Variants in RBM6 observed in about 807,000 individuals in gnomAD.
RBM6 encodes RNA-binding protein 6.
In RBM6, 23 loss-of-function variants were observed where a neutral mutation model predicts 140.4. The ratio of observed to expected loss-of-function variants is 0.16; its 90% CI spans 0.12 to 0.23. The LOEUF (loss-of-function observed/expected upper bound fraction) is 0.23. Among genes scored for constraint, RBM6 ranks in the 10% least tolerant of loss-of-function variants. The pLI is 1.00. For synonymous variants in RBM6, 439 were observed against 475.6 expected, an observed-to-expected ratio of 0.92 and a Z score of 1.00; for missense variants, 1,139 against 1,386.7, an observed-to-expected ratio of 0.82 and a Z score of 2.84.
intron 5 of RBM6, among the ~76,000 whole-genome samples, chr3:49,991,786 A>G (rs1176795673): frequency 5.9e-5 from 9 of 152,046 alleles, no homozygotes; most frequent in Non-Finnish European, 1.2e-4. Flanking sequence ...GTCTCACCTA[A>G]TGTCAGTTGT....
chr3:50,075,161 A>G (rs2090421344), intron 19 of RBM6, 40 bp from the exon 20 acceptor site: 10 of 1,582,044 alleles, frequency 6.3e-6, no homozygotes, highest in Non-Finnish European at 8.6e-6. Flanking sequence ...CGTCTCAAAA[A>G]AAAAAAAAAA....
intron 6 of RBM6, among the ~76,000 whole-genome samples, chr3:50,016,388 G>C (rs756044301): frequency 2.2e-4 from 33 of 152,080 alleles, no homozygotes; most frequent in Non-Finnish European, 3.8e-4. Flanking sequence ...ATTGTGAATA[G>C]TACTGCAGTG....
rs772514890 is a variant in RBM6, at chr3:50,070,507, A to G, written c.3071A>G (p.Asp1024Gly). 6.2e-7 allele frequency: 1 copy of G among 1,614,040 alleles called. No homozygotes were observed. Among genetic ancestry groups the G allele is most frequent in the Non-Finnish European group, 8.5e-7 (1 of 1,179,958 alleles). ...NDRREKLQSFDSPERKRIKYS... is the reference protein window; with the variant it reads ...NDRREKLQSFGSPERKRIKYS... The stretch of plus-strand genomic sequence containing the variant: ...CGCAGGGAAAAGCTCCAGTCTTTTG[A>G]CTCTCCAGAAAGGAAACGGATTAAG... Residue 1024 changes from aspartate (D) to glycine (G), a missense_variant, in exon 19 of 21, where the codon GAC (aspartate) becomes GGC (glycine). Asp to Gly is a moderately conservative substitution (Grantham distance 94). Transcript: ENST00000266022.
At chr3:50,038,841 G>C (rs1019694658) in intron 6 of RBM6, among the ~76,000 whole-genome samples, 2 of 152,018 alleles carry the variant, frequency 1.3e-5, no homozygotes, top group African/African-American at 4.8e-5. Flanking sequence ...CCCAAAAAAA[G>C]AAGAAAAAGA....
chr3:49,954,193 A>C (rs186181001), intron 1 of RBM6, among the ~76,000 whole-genome samples: 8 of 152,022 alleles, frequency 5.3e-5, no homozygotes, highest in Non-Finnish European at 1.2e-4. Context: ...TAATCCCAGC[A>C]CTTTGGGAGG....
At chr3:50,064,295 TGTGTGTTTAAAAA>T (rs781653365) in intron 15 of RBM6, among the ~76,000 whole-genome samples, 61 of 152,146 alleles carry the variant, frequency 4.0e-4, no homozygotes, top group Non-Finnish European at 7.1e-4. Context: ...AGAGTGTGTG[TGTGTGTTTAAAAA>T]CTTAGAGTCA....
At chr3:49,984,689 A>G (rs1346132884) in intron 5 of RBM6, among the ~76,000 whole-genome samples, 1 of 151,070 alleles carries the variant, frequency 6.6e-6, no homozygotes, top group Non-Finnish European at 1.5e-5. Flanking sequence ...TCACAACATA[A>G]CATAAATTTT....
At position 49,967,955 on chromosome 3, in the gene RBM6, G is replaced by A. The variant is rs1188255969; in HGVS notation, c.530G>A (p.Gly177Asp). 1 of 1,614,060 alleles carries A rather than the reference G, an allele frequency of 6.2e-7. No individual in the cohort carries two copies. Among genetic ancestry groups the A allele is most frequent in the African/African-American group, 1.3e-5 (1 of 74,912 alleles). ...GATGCTCCTCCATCTGACTTCAGGG[G>A]CCGGGGCACTTATGATTTAGATTTT... ...GRDAPPSDFR[G>D]RGTYDLDFRG... The change falls in exon 3 of 21, where the codon GGC becomes GAC. Residue 177 changes from glycine (G) to aspartate (D), a missense_variant. Physicochemically the swap from Gly to Asp is moderately conservative, Grantham distance 94. Coordinates refer to ENST00000266022, the MANE Select transcript of RBM6 (RefSeq NM_005777.3). This position sits in a 1 kb window ranked among gnomAD's most constrained non-coding sequence, Gnocchi z 4.0.
intron 7 of RBM6, among the ~76,000 whole-genome samples, chr3:50,050,731 G>A (rs527555218): frequency 2.3e-4 from 35 of 152,178 alleles, no homozygotes; most frequent in African/African-American, 8.2e-4. Flanking sequence ...GCCAACATTT[G>A]TTCTTTTCCC....
chr3:50,048,864 G>A (rs966544313), intron 7 of RBM6, among the ~76,000 whole-genome samples: 8 of 152,132 alleles, frequency 5.3e-5, no homozygotes, highest in African/African-American at 1.9e-4. Flanking sequence ...GTGCAATGGC[G>A]TGATTTCCAC....
chr3:50,013,090 A>G (rs1275675897), intron 6 of RBM6, among the ~76,000 whole-genome samples: 1 of 152,118 alleles, frequency 6.6e-6, no homozygotes, highest in Non-Finnish European at 1.5e-5. Context: ...TTGAATAGTT[A>G]TGATCTATTC....
intron 2 of RBM6, among the ~76,000 whole-genome samples, chr3:49,964,694 G>A (rs2084429434): frequency 6.6e-6 from 1 of 152,094 alleles, no homozygotes; most frequent in Non-Finnish European, 1.5e-5. Context: ...AAATATTTAG[G>A]TTGTAATCTA....
Position 50,031,905 on chromosome 3 carries a change from T to C in RBM6, c.1558-16340T>C, listed in dbSNP as rs954570390. Among the ~76,000 whole-genome samples the C allele has an allele frequency of 2.6e-5, 4 of 152,228 alleles. No homozygotes were observed. The South Asian group carries it at 8.3e-4, about 31-fold the overall frequency. On this transcript the variant is annotated intron_variant, in intron 6 of 20. Coordinates refer to ENST00000266022, the MANE Select transcript of RBM6 (RefSeq NM_005777.3). ...GATGGATACTCTATTCCCCATGATATGCTTATTTCACATTGCATGCCTGTA... is the reference window on the plus strand; with the variant it reads ...GATGGATACTCTATTCCCCATGATACGCTTATTTCACATTGCATGCCTGTA...
chr3:50,050,233 T>C (rs1414019203), intron 7 of RBM6, among the ~76,000 whole-genome samples: 1 of 152,102 alleles, frequency 6.6e-6, no homozygotes, highest in East Asian at 1.9e-4. Context: ...CACTTCTTCT[T>C]CCCCCAGTCC....
Position 50,058,022 on chromosome 3 carries a change from C to T in RBM6, c.1969+19C>T. 6.2e-7 allele frequency: 1 copy of T among 1,607,966 alleles called. No homozygotes were observed. The highest frequency in any genetic ancestry group is 8.5e-7 in the Non-Finnish European group (1 of 1,177,672). On this transcript the variant is annotated intron_variant, in intron 9 of 20. Transcript: ENST00000266022. Reference sequence around the variant, plus strand: ...AGCAAAAGTAAGTAGTTTGTCAGGGCACATACCAGACTGTGATCATCACAA... The same window carrying T: ...AGCAAAAGTAAGTAGTTTGTCAGGGTACATACCAGACTGTGATCATCACAA...
chr3:50,059,108 TACTC>T (rs2089836079), intron 10 of RBM6, among the ~76,000 whole-genome samples: 1 of 152,204 alleles, frequency 6.6e-6, no homozygotes, highest in African/African-American at 2.4e-5. Context: ...GTTTCCAACT[TACTC>T]GCTTGTGAAG....
rs781572660 is a variant in RBM6, at chr3:49,951,696, G to GTTA, written c.-66-10859_-66-10857dup. On this transcript the variant is annotated intron_variant, in intron 1 of 20. Coordinates refer to ENST00000266022, the MANE Select transcript of RBM6 (RefSeq NM_005777.3). The stretch of plus-strand genomic sequence containing the variant: ...AGTGATTCTCCTGCCTCAGCCTCCA[G>GTTA]TTATTATTATTATTATTATTATTTT... Among the ~76,000 whole-genome samples the GTTA allele has an allele frequency of 9.9e-3, 1,459 of 147,172 alleles. 62 individuals are homozygous for GTTA. In the East Asian group the frequency reaches 0.12, roughly 12 times the overall value.
chr3:49,962,716 C>A, intron 2 of RBM6, 31 bp downstream of exon 2: 1 of 1,525,992 alleles, frequency 6.6e-7, no homozygotes, highest in Non-Finnish European at 8.8e-7. Context: ...ATTGAAATTG[C>A]CAGTATTTTA....
At chr3:50,054,785 G>A (rs541241189) in intron 8 of RBM6, among the ~76,000 whole-genome samples, 1 of 151,934 alleles carries the variant, frequency 6.6e-6, no homozygotes, top group Non-Finnish European at 1.5e-5. Flanking sequence ...ATAGTGCTGG[G>A]ATTACAGGTG....
Sources: gnomAD v4.1 joint callset for allele counts (sites outside exome capture counted in the v4.1 genomes callset) on GRCh38, gnomAD v4.1.1 for gene constraint, Gnocchi (gnomAD v3.1) non-coding constraint, MANE v1.5 for transcripts, NCBI Gene and HGNC (gene_info 2026-07-23, HGNC 2026-07-21) for gene names.